DOCK4: variants seen among roughly 807,000 people sequenced by gnomAD.
DOCK4 encodes dedicator of cytokinesis 4.
A neutral mutation model predicts 268.1 loss-of-function variants in DOCK4; 97 were observed. The observed-to-expected ratio is 0.36, with a 90% CI of 0.31 to 0.43. DOCK4 has a LOEUF of 0.43. Ranked by LOEUF, DOCK4 falls within the 20% of genes least tolerant of loss-of-function variation. The pLI, the probability that DOCK4 is intolerant of heterozygous loss-of-function variation, is 1.00. For synonymous variants in DOCK4, 954 were observed against 887.2 expected, an observed-to-expected ratio of 1.08 and a Z score of -1.34; for missense variants, 2,145 against 2,455.7, an observed-to-expected ratio of 0.87 and a Z score of 2.67.
chr7:111,742,222 C>A, intron 44 of DOCK4, 90 bp from the exon 45 acceptor site: 1 of 1,309,260 alleles, frequency 7.6e-7, no homozygotes, highest in South Asian at 2.1e-5. Context: ...CTACGCATTT[C>A]GCTTGCATTA....
intron 1 of DOCK4, among the ~76,000 whole-genome samples, chr7:112,053,720 CTA>C (rs1805567783): frequency 6.6e-6 from 1 of 151,754 alleles, no homozygotes; most frequent in African/African-American, 2.4e-5. Flanking sequence ...TCAAAACCAG[CTA>C]TGTCTATCAG....
At chr7:111,854,996 G>GA (rs1280830922) in intron 23 of DOCK4, among the ~76,000 whole-genome samples, 1 of 152,190 alleles carries the variant, frequency 6.6e-6, no homozygotes, top group African/African-American at 2.4e-5. Flanking sequence ...AATTTCTTGA[G>GA]AAAATGAGAG....
At chr7:111,978,313 C>T (rs1250286959) in intron 7 of DOCK4, among the ~76,000 whole-genome samples, 1 of 152,174 alleles carries the variant, frequency 6.6e-6, no homozygotes, top group Admixed American at 6.5e-5. Flanking sequence ...CTCACTGCAG[C>T]CTCTACCTCC....
At chr7:112,073,853 G>C (rs759282166) in intron 1 of DOCK4, among the ~76,000 whole-genome samples, 3 of 152,024 alleles carry the variant, frequency 2.0e-5, no homozygotes, top group Non-Finnish European at 4.4e-5. Context: ...TAGCACTGTA[G>C]GGTGAAGGTG....
intron 10 of DOCK4, among the ~76,000 whole-genome samples, chr7:111,940,479 A>G (rs1418234909): frequency 6.6e-6 from 1 of 152,236 alleles, no homozygotes; most frequent in Non-Finnish European, 1.5e-5. Context: ...TCTGTAAAAT[A>G]CAAAGACTGG....
Position 111,973,676 on chromosome 7 carries a change from CTTT to C in DOCK4, c.701+3453_701+3455del, listed in dbSNP as rs72147258. Among the ~76,000 whole-genome samples, 225 of 145,294 alleles carry C rather than the reference CTTT, an allele frequency of 1.5e-3. 1 individual carries two copies. Among genetic ancestry groups the C allele is most frequent in the African/African-American group, 5.2e-3 (209 of 40,382 alleles). Reference sequence around the variant, plus strand: ...TTAGATGATAATTCCTTTAGAGTTCCTTTTTTTTTTTTTACATTTGAAAATGTT... The same window carrying C: ...TTAGATGATAATTCCTTTAGAGTTCCTTTTTTTTTTACATTTGAAAATGTT... On this transcript the variant is annotated intron_variant, in intron 8 of 52. Coordinates refer to ENST00000428084, the MANE Select transcript of DOCK4 (RefSeq NM_001363540.2).
At chr7:111,854,258 CT>C (rs1474046633) in intron 23 of DOCK4, among the ~76,000 whole-genome samples, 2 of 152,218 alleles carry the variant, frequency 1.3e-5, no homozygotes, top group Non-Finnish European at 2.9e-5. Context: ...AGATCAACCC[CT>C]GACCTAATCG....
Position 112,073,277 on chromosome 7 carries a change from T to C in DOCK4, c.38-69146A>G, listed in dbSNP as rs987633591. Among the ~76,000 whole-genome samples, 4 of 151,912 alleles carry C rather than the reference T, an allele frequency of 2.6e-5. No individual in the cohort carries two copies. The South Asian group carries it at 6.2e-4, about 24-fold the overall frequency. ...TGTATAGATTCCCTGCCAGTAATAATCCCACTACTGGGTATTTACCCAATG... is the reference window on the plus strand; with the variant it reads ...TGTATAGATTCCCTGCCAGTAATAACCCCACTACTGGGTATTTACCCAATG... On this transcript the variant is annotated intron_variant, in intron 1 of 52. Transcript: ENST00000428084.
chr7:112,075,910 T>C (rs1808027929), intron 1 of DOCK4, among the ~76,000 whole-genome samples: 2 of 152,342 alleles, frequency 1.3e-5, no homozygotes, highest in South Asian at 4.1e-4. Context: ...CTTAAAATTG[T>C]AGTACAATTA....
chr7:112,034,527 C>T (rs116266510), intron 1 of DOCK4, among the ~76,000 whole-genome samples: 166 of 152,308 alleles, frequency 1.1e-3, no homozygotes, highest in African/African-American at 3.5e-3. Flanking sequence ...GCACCCTGAC[C>T]ACATTCCAAG....
intron 17 of DOCK4, among the ~76,000 whole-genome samples, chr7:111,873,839 AGAG>A (rs893841650): frequency 6.6e-6 from 1 of 152,132 alleles, no homozygotes; most frequent in Non-Finnish European, 1.5e-5. Flanking sequence ...AACACGGGTA[AGAG>A]GAGGAGGAGG....
intron 31 of DOCK4, 69 bp from the exon 32 acceptor site, chr7:111,788,816 G>T: frequency 1.5e-6 from 2 of 1,325,552 alleles, no homozygotes; most frequent in South Asian, 1.3e-5. Context: ...AAGTTAAAAC[G>T]TATTTCTTTG....
intron 1 of DOCK4, among the ~76,000 whole-genome samples, chr7:112,129,413 G>A (rs190563188): frequency 3.3e-5 from 5 of 152,114 alleles, no homozygotes; most frequent in African/African-American, 1.2e-4. Flanking sequence ...CATAAGGGAA[G>A]ATCTTTTGTT....
At chr7:112,150,231 C>T (rs1815929647) in intron 1 of DOCK4, among the ~76,000 whole-genome samples, 1 of 152,092 alleles carries the variant, frequency 6.6e-6, no homozygotes, top group African/African-American at 2.4e-5. Flanking sequence ...CAAAAATCCC[C>T]CCAAAATGTC....
chr7:112,172,786 T>A (rs1818193263), intron 1 of DOCK4, among the ~76,000 whole-genome samples: 2 of 152,254 alleles, frequency 1.3e-5, no homozygotes, highest in Non-Finnish European at 2.9e-5. Context: ...CAGTAGATTA[T>A]TTCTGGCAGT....
intron 6 of DOCK4, 91 bp downstream of exon 6, chr7:111,988,924 T>C (rs1264448013): frequency 4.0e-6 from 6 of 1,497,176 alleles, no homozygotes; most frequent in Non-Finnish European, 5.4e-6. Flanking sequence ...ATAGGATTGC[T>C]TCCAGTGACA....
intron 26 of DOCK4, among the ~76,000 whole-genome samples, chr7:111,833,084 T>C (rs1802967276): frequency 6.6e-6 from 1 of 152,236 alleles, no homozygotes; most frequent in South Asian, 2.1e-4. Context: ...TATGAAGTCA[T>C]AGACTTCTTA....
chr7:112,000,559 A>G, intron 2 of DOCK4, 25 bp from the exon 3 acceptor site: 1 of 1,507,138 alleles, frequency 6.6e-7, no homozygotes, highest in Non-Finnish European at 9.0e-7. Flanking sequence ...TCATGGTCAT[A>G]TTTTGATAAA....
intron 1 of DOCK4, among the ~76,000 whole-genome samples, chr7:112,199,111 T>C (rs1820710753): frequency 6.6e-6 from 1 of 152,216 alleles, no homozygotes; most frequent in Non-Finnish European, 1.5e-5. Flanking sequence ...GAGAACAGTT[T>C]CTATGCAAGA....
Sources: gnomAD v4.1 joint callset for allele counts (sites outside exome capture counted in the v4.1 genomes callset) on GRCh38, gnomAD v4.1.1 for gene constraint, MANE v1.5 for transcripts, NCBI Gene and HGNC (gene_info 2026-07-23, HGNC 2026-07-21) for gene names.